Variants in PLXNA4 observed in about 807,000 individuals in gnomAD.
PLXNA4 encodes the protein plexin A4.
Under a neutral mutation model 191.8 loss-of-function variants are expected in PLXNA4, and 44 were observed. That is an observed-to-expected ratio of 0.23 (90% confidence interval 0.18 to 0.29). PLXNA4 has a LOEUF of 0.29. Among genes scored for constraint, PLXNA4 ranks in the 10% least tolerant of loss-of-function variants. The pLI, the probability that PLXNA4 is intolerant of heterozygous loss-of-function variation, is 1.00. For missense variants in PLXNA4, 1,800 were observed against 2,488.8 expected, an observed-to-expected ratio of 0.72 and a Z score of 5.89; for synonymous variants, 1,082 against 1,009.5, an observed-to-expected ratio of 1.07 and a Z score of -1.36.
chr7:132,227,337 C>T (rs1375784441), intron 7 of PLXNA4, 114 bp downstream of exon 7: 11 of 1,413,324 alleles, frequency 7.8e-6, no homozygotes, highest in Non-Finnish European at 9.7e-6. Context: ...CATGCCCCTT[C>T]CTCTGACTCT....
rs559662247 is a variant in PLXNA4, at chr7:132,308,566, G to A, written c.1372-10344C>T. On this transcript the variant is annotated intron_variant, in intron 3 of 31. Transcript: ENST00000321063. ...CAAAAGACCAGAATCCTGAGCTGGGGTGCACTGGCAGCGCAGGATTTTTGA... is the reference window on the plus strand; with the variant it reads ...CAAAAGACCAGAATCCTGAGCTGGGATGCACTGGCAGCGCAGGATTTTTGA... Among the ~76,000 whole-genome samples the A allele has an allele frequency of 3.0e-3, 458 of 152,322 alleles. 7 individuals are homozygous for A. The highest frequency in any genetic ancestry group is 1.9e-3 in the Non-Finnish European group (129 of 68,036).
At chr7:132,196,692 T>C (rs1238665831) in intron 13 of PLXNA4, among the ~76,000 whole-genome samples, 1 of 152,210 alleles carries the variant, frequency 6.6e-6, no homozygotes, top group East Asian at 1.9e-4. Flanking sequence ...CAAATTTCCT[T>C]CTAGAAAGTT....
intron 2 of PLXNA4, among the ~76,000 whole-genome samples, chr7:132,586,092 G>A (rs1452167478): frequency 2.0e-5 from 3 of 152,158 alleles, no homozygotes; most frequent in Non-Finnish European, 4.4e-5. Flanking sequence ...GGCAATGTAG[G>A]CTGGTGAATT....
chr7:132,526,436 G>C (rs1414273392), intron 1 of PLXNA4, among the ~76,000 whole-genome samples: 1 of 152,184 alleles, frequency 6.6e-6, no homozygotes, highest in Non-Finnish European at 1.5e-5. Context: ...CAAATGTAGA[G>C]AAAGGAGGAA....
intron 3 of PLXNA4, chr7:132,385,163 A>C: frequency 1.9e-6 from 3 of 1,613,226 alleles, no homozygotes; most frequent in Non-Finnish European, 2.5e-6. Flanking sequence ...ACACTAAATA[A>C]GCCTACACAG....
Position 132,127,840 on chromosome 7 carries a change from TAACA to T in PLXNA4, c.*2635_*2638del, listed in dbSNP as rs1554446003. 2.0e-5 allele frequency: 3 copies of T among 148,702 alleles called. No individual in the cohort carries two copies. Among genetic ancestry groups the T allele is most frequent in the Non-Finnish European group, 4.6e-5 (3 of 65,866 alleles). 9.2% of individuals were successfully genotyped at this position (148,702 alleles called of 1,614,324 possible). A position where few individuals can be genotyped will look rare whatever the true frequency, so the allele number is the denominator to read the frequency against. The stretch of plus-strand genomic sequence containing the variant: ...TCTGAGGTGTTTGAAATTTTTCTTA[TAACA>T]AAAACATGGAATAAAATAAAGTCCT... On this transcript the variant is annotated 3_prime_UTR_variant, in exon 32 of 32. Coordinates refer to ENST00000321063, the MANE Select transcript of PLXNA4 (RefSeq NM_020911.2).
At chr7:132,481,358 C>T (rs771645670) in intron 3 of PLXNA4, among the ~76,000 whole-genome samples, 48 of 151,980 alleles carry the variant, frequency 3.2e-4, no homozygotes, top group Non-Finnish European at 6.8e-4. Flanking sequence ...AGGGAGGTGA[C>T]CTACCCTACA....
At chr7:132,552,235 CAG>C (rs1386324617) in intron 1 of PLXNA4, among the ~76,000 whole-genome samples, 7 of 152,172 alleles carry the variant, frequency 4.6e-5, no homozygotes, top group Non-Finnish European at 1.0e-4. Flanking sequence ...TCACAGCTGG[CAG>C]AGTTACCCAG....
chr7:132,287,348 T>C (rs975155474), intron 4 of PLXNA4, among the ~76,000 whole-genome samples: 2 of 152,206 alleles, frequency 1.3e-5, no homozygotes, highest in African/African-American at 4.8e-5. Context: ...ATAATGATAA[T>C]GATGACAGCA....
Position 132,632,235 on chromosome 7 carries a change from C to CAAAA in PLXNA4, c.-87+13689_-87+13692dup, listed in dbSNP as rs398006359. On this transcript the variant is annotated intron_variant, in intron 2 of 4. Coordinates refer to the PLXNA4 transcript ENST00000378539. The stretch of plus-strand genomic sequence containing the variant: ...TAAGCAACAGAGCTAGACTCCATCT[C>CAAAA]AAAAAAAAAAAAAAAAAAAAAAATG... Among the ~76,000 whole-genome samples the CAAAA allele has an allele frequency of 5.5e-3, 435 of 78,628 alleles. 5 individuals carry two copies. Among genetic ancestry groups the CAAAA allele is most frequent in the African/African-American group, 0.02 (417 of 21,246 alleles). 51.6% of individuals were successfully genotyped at this position (78,628 alleles called of 152,430 possible).
chr7:132,577,688 G>T (rs1210770525), upstream of PLXNA4, among the ~76,000 whole-genome samples: 1 of 152,088 alleles, frequency 6.6e-6, no homozygotes, highest in Non-Finnish European at 1.5e-5. Context: ...GGGCATACAT[G>T]GGTGACCGGA....
chr7:132,261,611 T>C (rs2116248714), intron 4 of PLXNA4, among the ~76,000 whole-genome samples: 1 of 152,312 alleles, frequency 6.6e-6, no homozygotes. Flanking sequence ...GGGCTGTCAA[T>C]AAACATCCCC....
chr7:132,238,133 T>A (rs1322671505), intron 5 of PLXNA4, among the ~76,000 whole-genome samples: 2 of 152,190 alleles, frequency 1.3e-5, no homozygotes, highest in Non-Finnish European at 2.9e-5. Context: ...AATAGCTGTG[T>A]TGGATAAGCC....
intron 3 of PLXNA4, among the ~76,000 whole-genome samples, chr7:132,337,374 T>C (rs1802859979): frequency 6.6e-6 from 1 of 152,234 alleles, no homozygotes; most frequent in South Asian, 2.1e-4. Context: ...ATTGTGCACA[T>C]GAATACTCAG....
intron 6 of PLXNA4, 146 bp downstream of exon 6, chr7:132,228,200 T>C: frequency 9.7e-7 from 1 of 1,035,218 alleles, no homozygotes; most frequent in East Asian, 2.6e-5. Context: ...CTTAATTCTT[T>C]GATATCCTGC....
intron 2 of PLXNA4, among the ~76,000 whole-genome samples, chr7:132,594,961 AGATAATT>A (rs1356441091): frequency 0.031 from 4,494 of 143,022 alleles, 72 homozygotes; most frequent in Non-Finnish European, 0.042. Context: ...ATAGATAGAT[AGATAATT>A]GATAGATAAT....
At chr7:132,229,558 A>C (rs1055022217) in intron 5 of PLXNA4, among the ~76,000 whole-genome samples, 1 of 152,164 alleles carries the variant, frequency 6.6e-6, no homozygotes, top group African/African-American at 2.4e-5. Context: ...CAGGAGGGAC[A>C]AGACAAGAGG....
intron 27 of PLXNA4, 123 bp downstream of exon 27, chr7:132,147,777 G>A: frequency 7.5e-7 from 1 of 1,330,692 alleles, no homozygotes; most frequent in South Asian, 1.4e-5. Flanking sequence ...TTCCCCGATG[G>A]TCAGCCTGTC....
intron 1 of PLXNA4, among the ~76,000 whole-genome samples, chr7:132,521,382 A>T (rs777425031): frequency 3.3e-5 from 5 of 152,146 alleles, no homozygotes; most frequent in Non-Finnish European, 5.9e-5. Flanking sequence ...TATAGTGTAC[A>T]TGCCAGAAGA....
Sources: gnomAD v4.1 joint callset for allele counts (sites outside exome capture counted in the v4.1 genomes callset) on GRCh38, gnomAD v4.1.1 for gene constraint, MANE v1.5 for transcripts, NCBI Gene and HGNC (gene_info 2026-07-23, HGNC 2026-07-21) for gene names.